Variants in CSTPP1 observed in about 807,000 individuals in gnomAD.
The protein encoded by CSTPP1 is UPF0705 protein C11orf49.
At chr11:47,153,732 C>G in the CSTPP1 span, among the ~76,000 whole-genome samples, 1 of 152,176 alleles carries the variant, frequency 6.6e-6, no homozygotes. Context: ...ATCTGTATTA[C>G]AATAAAGACT....
chr11:47,077,232 T>C, the CSTPP1 span, among the ~76,000 whole-genome samples: 1 of 149,404 alleles, frequency 6.7e-6, no homozygotes, highest in Non-Finnish European at 1.5e-5. Flanking sequence ...AGAGTCTTGC[T>C]CTTGTCGCCC....
At chr11:47,047,190 C>T in the CSTPP1 span, among the ~76,000 whole-genome samples, 6 of 152,268 alleles carry the variant, frequency 3.9e-5, no homozygotes, top group African/African-American at 1.2e-4. Flanking sequence ...CGTGAGCCAC[C>T]GCACCTGGCG....
chr11:47,106,914 C>T, the CSTPP1 span, among the ~76,000 whole-genome samples: 2 of 152,192 alleles, frequency 1.3e-5, 1 homozygote, highest in East Asian at 3.9e-4. Flanking sequence ...CACTACCACA[C>T]AGTTCTCATT....
the CSTPP1 span, among the ~76,000 whole-genome samples, chr11:46,980,569 T>C: frequency 6.6e-6 from 1 of 152,120 alleles, no homozygotes; most frequent in East Asian, 1.9e-4. Context: ...AATAGGCTTA[T>C]ACACTTGGAG....
At chr11:47,040,517 A>G in the CSTPP1 span, among the ~76,000 whole-genome samples, 45 of 126,600 alleles carry the variant, frequency 3.6e-4, 1 homozygote, top group African/African-American at 1.1e-3. Flanking sequence ...TGGAGCCAGC[A>G]AATGAAACAT....
chr11:47,159,921 T>C, the CSTPP1 span: 1 of 337,024 alleles, frequency 3.0e-6, no homozygotes, highest in Non-Finnish European at 5.9e-6. Context: ...GAAGAATCAC[T>C]TGAACCAGGG....
the CSTPP1 span, among the ~76,000 whole-genome samples, chr11:47,062,480 T>C: frequency 2.0e-5 from 3 of 152,316 alleles, no homozygotes; most frequent in African/African-American, 4.8e-5. Flanking sequence ...CTACCCCTTA[T>C]TGAGCAAATG....
the CSTPP1 span, among the ~76,000 whole-genome samples, chr11:47,029,955 AAG>A: frequency 3.2e-4 from 48 of 151,184 alleles, no homozygotes; most frequent in Non-Finnish European, 6.6e-4. Flanking sequence ...AAAAAAAAGA[AAG>A]AAAGGAAGAA....
chr11:46,950,401 C>G, the CSTPP1 span, among the ~76,000 whole-genome samples: 1 of 151,208 alleles, frequency 6.6e-6, no homozygotes, highest in Non-Finnish European at 1.5e-5. Flanking sequence ...TCTCGATCTC[C>G]TGACCTTGTG....
chr11:47,026,444 T>C, the CSTPP1 span, among the ~76,000 whole-genome samples: 2 of 152,262 alleles, frequency 1.3e-5, no homozygotes, highest in African/African-American at 2.4e-5. Context: ...GTTGTTATTT[T>C]TTTTTAATTG....
At chr11:47,038,094 G>T in the CSTPP1 span, among the ~76,000 whole-genome samples, 168 of 82,254 alleles carry the variant, frequency 2.0e-3, no homozygotes, top group African/African-American at 5.2e-3. Context: ...CGGCTGGCCG[G>T]GCGGGGGGCT....
At chr11:47,035,870 AT>A in the CSTPP1 span, among the ~76,000 whole-genome samples, 1 of 151,358 alleles carries the variant, frequency 6.6e-6, no homozygotes, top group Admixed American at 6.6e-5. Flanking sequence ...TTGAAAAAAA[AT>A]CCATGTATAA....
At chr11:47,153,276 C>T in the CSTPP1 span, among the ~76,000 whole-genome samples, 101 of 152,192 alleles carry the variant, frequency 6.6e-4, no homozygotes, top group Non-Finnish European at 1.3e-3. Context: ...CCAGGGCACC[C>T]TCTTGTGGCC....
the CSTPP1 span, chr11:46,936,791 C>T: frequency 1.2e-6 from 2 of 1,610,486 alleles, no homozygotes; most frequent in East Asian, 2.3e-5. Context: ...GCTTTGAAGC[C>T]ACCCCGGTCA....
At chr11:47,004,387 C>T in the CSTPP1 span, 3 of 151,514 alleles carry the variant, frequency 2.0e-5, no homozygotes, top group Admixed American at 6.6e-5. Flanking sequence ...TTTTATTGCT[C>T]AAACTGGTCT....
chr11:47,124,238 C>T, the CSTPP1 span, among the ~76,000 whole-genome samples: 1 of 145,288 alleles, frequency 6.9e-6, no homozygotes, highest in Non-Finnish European at 1.5e-5. Flanking sequence ...ATTCTTCTGC[C>T]TCAGCCTCCT....
At chr11:47,046,380 A>G in the CSTPP1 span, among the ~76,000 whole-genome samples, 127 of 151,980 alleles carry the variant, frequency 8.4e-4, 1 homozygote, top group African/African-American at 2.9e-3. Context: ...TCTATATACC[A>G]TCAATGAACA....
chr11:46,936,793 C>G, the CSTPP1 span: 4 of 1,610,562 alleles, frequency 2.5e-6, no homozygotes, highest in Non-Finnish European at 3.4e-6. Context: ...TTTGAAGCCA[C>G]CCCGGTCAAA....
chr11:47,163,072 G>T, the CSTPP1 span, among the ~76,000 whole-genome samples: 101 of 151,468 alleles, frequency 6.7e-4, no homozygotes, highest in African/African-American at 2.2e-3. Flanking sequence ...CTACTTGGGA[G>T]ACCCGAGGTA....
Sources: gnomAD v4.1 joint callset for allele counts (sites outside exome capture counted in the v4.1 genomes callset) on GRCh38, gnomAD v4.1.1 for gene constraint, MANE v1.5 for transcripts, NCBI Gene and HGNC (gene_info 2026-07-23, HGNC 2026-07-21) for gene names.